POLN: variants seen among roughly 807,000 people sequenced by gnomAD.
POLN encodes the protein DNA polymerase nu.
POLN carries 108 observed loss-of-function variants against 113.5 expected under a neutral mutation model. That is an observed-to-expected ratio of 0.95 (90% confidence interval 0.81 to 1.12). The LOEUF (loss-of-function observed/expected upper bound fraction) is 1.12. POLN is among the 50% of genes most tolerant of loss of function. POLN has a pLI of 0.00. For synonymous variants in POLN, 386 were observed against 391.5 expected (o/e 0.99, Z 0.17); for missense variants, 1,097 against 1,077.1 (o/e 1.02, Z -0.26).
intron 4 of POLN, among the ~76,000 whole-genome samples, chr4:2,210,889 C>G (rs1213117884): frequency 6.7e-6 from 1 of 148,762 alleles, no homozygotes; most frequent in Non-Finnish European, 1.5e-5. Flanking sequence ...CCACTGCACT[C>G]CTGCCTTGGT....
intron 16 of POLN, among the ~76,000 whole-genome samples, chr4:2,132,507 T>C (rs753986158): frequency 9.9e-5 from 15 of 152,270 alleles, no homozygotes; most frequent in Non-Finnish European, 1.9e-4. Flanking sequence ...ACCCTAAATA[T>C]GGTAAATTAA....
At chr4:2,098,410 C>A (rs1055032337) in intron 19 of POLN, among the ~76,000 whole-genome samples, 6 of 152,074 alleles carry the variant, frequency 3.9e-5, no homozygotes, top group Non-Finnish European at 8.8e-5. Flanking sequence ...CAGAGTAAGA[C>A]CCTGTCTAAG....
chr4:2,172,034 T>TA (rs1423770926), intron 11 of POLN, among the ~76,000 whole-genome samples: 1 of 151,948 alleles, frequency 6.6e-6, no homozygotes, highest in Non-Finnish European at 1.5e-5. Context: ...AGAAAAAATA[T>TA]AAAAATGGGC....
intron 16 of POLN, among the ~76,000 whole-genome samples, chr4:2,136,335 C>T (rs1003328863): frequency 6.6e-6 from 1 of 152,208 alleles, no homozygotes; most frequent in Middle Eastern, 3.2e-3. Flanking sequence ...GATCACTTCT[C>T]AGCTGCCTGT....
At position 2,208,367 on chromosome 4, in the gene POLN, A is replaced by G. The variant is rs1733909864; in HGVS notation, c.334T>C (p.Leu112=). 3 of 1,613,706 alleles carry G rather than the reference A, an allele frequency of 1.9e-6. No individual in the cohort carries two copies. The highest frequency in any genetic ancestry group is 2.5e-6 in the Non-Finnish European group (3 of 1,179,946). ...ADQKQKSISS[L]TLSSCLIPQY... is the part of the protein sequence containing the mutation. ...GGAATTAAACAACTTGAAAGAGTCA[A>G]TGAGCTGATGCTCTTCTGTTTTTGG... The change falls in exon 5 of 26, where the codon TTG becomes CTG. Residue 112 remains leucine, a synonymous_variant. Transcript: ENST00000511885.
chr4:2,221,190 T>C (rs1006970900), intron 3 of POLN, among the ~76,000 whole-genome samples: 2 of 152,108 alleles, frequency 1.3e-5, no homozygotes, highest in East Asian at 1.9e-4. Flanking sequence ...CAGGCTGGAG[T>C]GCAGTGGCAC....
At chr4:2,199,168 T>C (rs1342500757) in intron 5 of POLN, among the ~76,000 whole-genome samples, 3 of 152,170 alleles carry the variant, frequency 2.0e-5, no homozygotes. Context: ...AATAAAATTT[T>C]TTAAAACGAC....
At chr4:2,075,388 G>A in intron 24 of POLN, 64 bp downstream of exon 24, 2 of 1,544,498 alleles carry the variant, frequency 1.3e-6, no homozygotes, top group Non-Finnish European at 1.8e-6. Context: ...CTGTGCCCAT[G>A]GGGCATGGAG....
At chr4:2,113,939 A>G (rs1420162953) in intron 19 of POLN, among the ~76,000 whole-genome samples, 4 of 150,310 alleles carry the variant, frequency 2.7e-5, no homozygotes, top group Non-Finnish European at 3.0e-5. Context: ...TCACTCTGTC[A>G]CCCAGTCTGA....
intron 16 of POLN, among the ~76,000 whole-genome samples, chr4:2,144,883 A>G (rs1305957703): frequency 2.0e-5 from 3 of 152,214 alleles, no homozygotes; most frequent in Non-Finnish European, 4.4e-5. Context: ...CACGTTAGGT[A>G]GTCGACACTC....
chr4:2,133,610 T>C (rs1014859152), intron 16 of POLN, among the ~76,000 whole-genome samples: 1 of 152,220 alleles, frequency 6.6e-6, no homozygotes, highest in Admixed American at 6.5e-5. Flanking sequence ...ATGTACATAG[T>C]GGTAGCAGAA....
intron 19 of POLN, among the ~76,000 whole-genome samples, chr4:2,102,665 G>A (rs1326750246): frequency 1.3e-5 from 2 of 152,182 alleles, no homozygotes; most frequent in African/African-American, 4.8e-5. Context: ...CAGGGCACAA[G>A]GACAGACATG....
At chr4:2,085,560 C>A in intron 21 of POLN, 53 bp downstream of exon 21, 5 of 1,604,028 alleles carry the variant, frequency 3.1e-6, no homozygotes, top group Non-Finnish European at 3.4e-6. Flanking sequence ...GTCCCCCCAT[C>A]CTCCCACAGA....
At chr4:2,182,300 T>A (rs1733162704) in intron 7 of POLN, among the ~76,000 whole-genome samples, 1 of 152,172 alleles carries the variant, frequency 6.6e-6, no homozygotes, top group South Asian at 2.1e-4. Context: ...GATGAGATCA[T>A]CTTAAGTTAG....
chr4:2,080,834 C>T, intron 23 of POLN, 124 bp downstream of exon 23: 1 of 1,569,818 alleles, frequency 6.4e-7, no homozygotes, highest in Non-Finnish European at 8.6e-7. Flanking sequence ...GGCTGAGAGC[C>T]TCAGGAGGGG....
intron 19 of POLN, among the ~76,000 whole-genome samples, chr4:2,123,136 C>T (rs1308870174): frequency 6.6e-6 from 1 of 151,922 alleles, no homozygotes. Context: ...CACTGCATTC[C>T]CACTAAGGGT....
intron 23 of POLN, among the ~76,000 whole-genome samples, chr4:2,077,981 G>C (rs1730315042): frequency 6.6e-6 from 1 of 152,220 alleles, no homozygotes; most frequent in Non-Finnish European, 1.5e-5. Flanking sequence ...GCTGTGTTCT[G>C]CATCTGGATG....
intron 2 of POLN, chr4:2,234,392 G>C (rs987792417): frequency 6.6e-6 from 1 of 152,530 alleles, no homozygotes; most frequent in African/African-American, 2.4e-5. Context: ...GACTGCTAAA[G>C]GGGGTGATGT....
chr4:2,180,643 G>A (rs772829195), intron 7 of POLN, among the ~76,000 whole-genome samples: 2 of 152,140 alleles, frequency 1.3e-5, no homozygotes, highest in East Asian at 1.9e-4. Flanking sequence ...CTGGTGATGC[G>A]GACTGACCCA....
Sources: gnomAD v4.1 joint callset for allele counts (sites outside exome capture counted in the v4.1 genomes callset) on GRCh38, gnomAD v4.1.1 for gene constraint, MANE v1.5 for transcripts, NCBI Gene and HGNC (gene_info 2026-07-23, HGNC 2026-07-21) for gene names.